Variants in KANK1 observed in about 807,000 individuals in gnomAD.
KANK1 encodes the protein KN motif and ankyrin repeat domains 1.
KANK1 carries 109 observed loss-of-function variants against 106.2 expected under a neutral mutation model. The observed-to-expected ratio is 1.03, with a 90% confidence interval of 0.88 to 1.20. The LOEUF (loss-of-function observed/expected upper bound fraction) is 1.20, where lower values mean the gene tolerates loss of function less well. Among genes scored for constraint, KANK1 ranks in the 50% most tolerant of loss-of-function variants. The pLI, the probability that KANK1 is intolerant of heterozygous loss-of-function variation, is 0.00. For missense variants in KANK1, 2,399 were observed against 1,710.7 expected, an observed-to-expected ratio of 1.40 and a Z score of -7.10; for synonymous variants, 873 against 652.2, an observed-to-expected ratio of 1.34 and a Z score of -5.16.
intron 2 of KANK1, among the ~76,000 whole-genome samples, chr9:695,669 T>G (rs1276373597): frequency 6.6e-6 from 1 of 152,124 alleles, no homozygotes; most frequent in Non-Finnish European, 1.5e-5. Context: ...GGGCCAGGGT[T>G]GTGTTCTTCT....
chr9:598,993 T>A (rs1431555941), intron 1 of KANK1, among the ~76,000 whole-genome samples: 1 of 149,746 alleles, frequency 6.7e-6, no homozygotes, highest in Non-Finnish European at 1.5e-5. Context: ...TAATTTACTT[T>A]ATGAATGATT....
intron 1 of KANK1, among the ~76,000 whole-genome samples, chr9:570,853 C>T (rs1457592197): frequency 1.3e-5 from 2 of 152,106 alleles, no homozygotes; most frequent in African/African-American, 4.8e-5. Flanking sequence ...TCTCTGCATA[C>T]TATTTTAATA....
At chr9:562,343 C>T (rs1285796400) in intron 1 of KANK1, among the ~76,000 whole-genome samples, 9 of 152,148 alleles carry the variant, frequency 5.9e-5, no homozygotes, top group South Asian at 2.1e-4. Context: ...TGAGCCACCG[C>T]GCCCGGCCCA....
intron 3 of KANK1, among the ~76,000 whole-genome samples, chr9:716,708 T>G (rs115665595): frequency 0.016 from 2,492 of 152,328 alleles, 42 homozygotes; most frequent in Middle Eastern, 0.075. Flanking sequence ...AGCAGCATCA[T>G]AATGCTTAAC....
intron 1 of KANK1, among the ~76,000 whole-genome samples, chr9:542,034 A>G (rs1167612416): frequency 6.6e-6 from 1 of 151,784 alleles, no homozygotes; most frequent in African/African-American, 2.4e-5. Flanking sequence ...GCTTGCAGTG[A>G]GCCGAGATCG....
At chr9:649,855 GGA>G (rs1487301454) in intron 1 of KANK1, among the ~76,000 whole-genome samples, 3 of 152,134 alleles carry the variant, frequency 2.0e-5, no homozygotes, top group African/African-American at 7.2e-5. Flanking sequence ...GTGACCCATG[GGA>G]TGACAGTTGC....
intron 3 of KANK1, among the ~76,000 whole-genome samples, chr9:726,197 G>A (rs58950272): frequency 0.075 from 11,336 of 151,930 alleles, 983 homozygotes; most frequent in African/African-American, 0.2. Flanking sequence ...TGGTGTGCTA[G>A]GGCAGGCCTT....
At chr9:554,399 A>G (rs2061456839) in intron 1 of KANK1, among the ~76,000 whole-genome samples, 2 of 152,142 alleles carry the variant, frequency 1.3e-5, no homozygotes, top group African/African-American at 4.8e-5. Context: ...GCCCTCACTG[A>G]TTGGATGACA....
intron 1 of KANK1, among the ~76,000 whole-genome samples, chr9:666,987 TC>T (rs1464536166): frequency 2.3e-5 from 2 of 85,178 alleles, no homozygotes; most frequent in African/African-American, 8.5e-5. Context: ...GTTTGAGCAT[TC>T]CTTCCTCTTC....
intron 7 of KANK1, 96 bp downstream of exon 7, chr9:734,931 G>C: frequency 5.8e-6 from 5 of 855,146 alleles, no homozygotes. Flanking sequence ...GCTGTTGCTT[G>C]CATGCTTTTC....
intron 1 of KANK1, among the ~76,000 whole-genome samples, chr9:614,993 T>A (rs1831464573): frequency 6.6e-6 from 1 of 151,046 alleles, no homozygotes; most frequent in Non-Finnish European, 1.5e-5. Flanking sequence ...CAGGCTGGAG[T>A]GCAGTGATGC....
At chr9:730,839 C>T (rs1047330746) in intron 4 of KANK1, 19 of 206,860 alleles carry the variant, frequency 9.2e-5, no homozygotes, top group East Asian at 1.3e-4. Context: ...CTGTTTAGTA[C>T]GTAAATGGTC....
intron 1 of KANK1, among the ~76,000 whole-genome samples, chr9:541,220 T>C (rs983912188): frequency 6.6e-6 from 1 of 152,142 alleles, no homozygotes; most frequent in African/African-American, 2.4e-5. Flanking sequence ...AGTAGTGGTG[T>C]AGAAACAGAC....
In KANK1 at chr9:738,324, G is replaced by T. The variant is rs148400033; in HGVS notation, c.3373G>T (p.Val1125Leu). The T allele has an allele frequency of 6.2e-7, 1 of 1,614,024 alleles. No homozygotes were observed. Among genetic ancestry groups the T allele is most frequent in the South Asian group, 1.1e-5 (1 of 91,028 alleles). The change falls in exon 8 of 12, where the codon GTG becomes TTG. Residue 1125 changes from valine (V) to leucine (L), a missense_variant. Transcript: ENST00000382297. Reference protein sequence around the residue: ...LNTLQHEWFRVSSQKSAIPAM... With the variant: ...LNTLQHEWFRLSSQKSAIPAM... ...CACCCTCCAGCACGAGTGGTTCCGC[G>T]TGTCCAGTCAGAAGTCAGCCATTCC...
intron 3 of KANK1, among the ~76,000 whole-genome samples, chr9:493,554 CTT>C (rs34062799): frequency 1.5e-4 from 17 of 115,944 alleles, no homozygotes; most frequent in Admixed American, 1.8e-4. Context: ...GGGTAATTTG[CTT>C]TTTTTTTTTT....
At chr9:630,104 C>A (rs957660148) in intron 1 of KANK1, among the ~76,000 whole-genome samples, 11 of 151,882 alleles carry the variant, frequency 7.2e-5, no homozygotes, top group Non-Finnish European at 1.0e-4. Flanking sequence ...CAAAAATTAG[C>A]AGACGTGGTG....
At chr9:601,983 A>G (rs925917830) in intron 1 of KANK1, among the ~76,000 whole-genome samples, 2 of 151,870 alleles carry the variant, frequency 1.3e-5, no homozygotes, top group African/African-American at 4.9e-5. Flanking sequence ...TCCTGTGAAC[A>G]TGGTTGTACC....
chr9:530,553 T>C (rs1239585753), intron 1 of KANK1, among the ~76,000 whole-genome samples: 1 of 152,218 alleles, frequency 6.6e-6, no homozygotes, highest in Non-Finnish European at 1.5e-5. Context: ...TTGCTCTGCC[T>C]AGCTCTGTGA....
At chr9:709,656 C>T (rs1182206851) in intron 2 of KANK1, among the ~76,000 whole-genome samples, 6 of 149,432 alleles carry the variant, frequency 4.0e-5, no homozygotes, top group East Asian at 1.9e-4. Context: ...TGCTCTGTTG[C>T]CCAGGCTAGA....
Sources: allele counts gnomAD v4.1 joint callset (sites outside exome capture counted in the v4.1 genomes callset), GRCh38; gene constraint gnomAD v4.1.1; transcripts MANE v1.5; gene names NCBI Gene and HGNC (gene_info 2026-07-23, HGNC 2026-07-21).